Variants in ZSWIM5 observed in about 807,000 individuals in gnomAD.
The protein encoded by ZSWIM5 is zinc finger SWIM domain-containing protein 5.
In ZSWIM5, 55 loss-of-function variants were observed where a neutral mutation model predicts 119.6. The observed-to-expected ratio is 0.46, with a 90% confidence interval of 0.37 to 0.58. The LOEUF (loss-of-function observed/expected upper bound fraction) is 0.58. ZSWIM5 is among the 20% of genes least tolerant of loss of function. ZSWIM5 has a pLI of 0.00. For missense variants in ZSWIM5, 1,193 were observed against 1,512.8 expected (o/e 0.79, Z 3.51); for synonymous variants, 537 against 606.9 (o/e 0.88, Z 1.69).
chr1:45,132,712 A>G (rs995286577), intron 1 of ZSWIM5, among the ~76,000 whole-genome samples: 1 of 152,044 alleles, frequency 6.6e-6, no homozygotes, highest in African/African-American at 2.4e-5. Flanking sequence ...TGCTGCACCC[A>G]TTAACTCGTC....
At chr1:45,185,807 T>C (rs1038961612) in intron 1 of ZSWIM5, among the ~76,000 whole-genome samples, 2 of 152,230 alleles carry the variant, frequency 1.3e-5, no homozygotes, top group Non-Finnish European at 2.9e-5. Context: ...TTGGTGGGAC[T>C]GTAAACTAGT....
intron 1 of ZSWIM5, among the ~76,000 whole-genome samples, chr1:45,095,706 G>C (rs1645397442): frequency 6.6e-6 from 1 of 152,160 alleles, no homozygotes; most frequent in Admixed American, 6.5e-5. Context: ...TGACCAGTGG[G>C]TTTTGGTGTT....
intron 1 of ZSWIM5, among the ~76,000 whole-genome samples, chr1:45,092,439 G>C (rs1645372390): frequency 6.6e-6 from 1 of 151,652 alleles, no homozygotes; most frequent in Admixed American, 6.6e-5. Context: ...TGGGATTACA[G>C]GTGCCTGCCA....
intron 1 of ZSWIM5, among the ~76,000 whole-genome samples, chr1:45,131,504 A>G (rs1439400669): frequency 2.0e-5 from 3 of 152,054 alleles, no homozygotes; most frequent in Non-Finnish European, 4.4e-5. Flanking sequence ...TGGGTGGACC[A>G]CTTAAGCTCC....
chr1:45,132,949 T>A (rs1019775371), intron 1 of ZSWIM5, among the ~76,000 whole-genome samples: 4 of 152,194 alleles, frequency 2.6e-5, no homozygotes, highest in African/African-American at 9.7e-5. Flanking sequence ...GAACTCATCC[T>A]TTTTTATGGC....
At chr1:45,141,377 T>C (rs1472384034) in intron 1 of ZSWIM5, among the ~76,000 whole-genome samples, 2 of 152,182 alleles carry the variant, frequency 1.3e-5, no homozygotes, top group African/African-American at 4.8e-5. Flanking sequence ...CAGAAAGTAC[T>C]AGGGAGATCA....
intron 5 of ZSWIM5, 72 bp downstream of exon 5, chr1:45,051,002 A>G: frequency 7.0e-7 from 1 of 1,430,098 alleles, no homozygotes. Flanking sequence ...TCCAGCTACC[A>G]TTGTTCTAGG....
At chr1:45,139,257 T>C (rs1645709653) in intron 1 of ZSWIM5, among the ~76,000 whole-genome samples, 1 of 152,044 alleles carries the variant, frequency 6.6e-6, no homozygotes, top group Non-Finnish European at 1.5e-5. Flanking sequence ...TCACAGTACA[T>C]AGCAGCCTTG....
chr1:45,098,779 A>C (rs1645419680), intron 1 of ZSWIM5, among the ~76,000 whole-genome samples: 1 of 152,210 alleles, frequency 6.6e-6, no homozygotes, highest in Non-Finnish European at 1.5e-5. Context: ...GAAACTGAAC[A>C]ACCTGCTCCT....
intron 1 of ZSWIM5, among the ~76,000 whole-genome samples, chr1:45,136,064 T>C (rs1645687389): frequency 6.6e-6 from 1 of 152,152 alleles, no homozygotes; most frequent in Non-Finnish European, 1.5e-5. Context: ...TTTCGCCATG[T>C]TGCCCAGGCT....
intron 1 of ZSWIM5, among the ~76,000 whole-genome samples, chr1:45,184,751 G>A (rs1646046582): frequency 1.3e-5 from 2 of 151,956 alleles, no homozygotes; most frequent in South Asian, 4.1e-4. Flanking sequence ...AATAAAAGAG[G>A]ATACAAACAA....
intron 2 of ZSWIM5, chr1:45,069,949 T>G (rs1645211595): frequency 1.5e-6 from 1 of 645,604 alleles, no homozygotes; most frequent in Admixed American, 2.3e-5. Flanking sequence ...GCAAATCCAG[T>G]ATCCACTGAT....
intron 1 of ZSWIM5, among the ~76,000 whole-genome samples, chr1:45,122,579 G>T (rs146625188): frequency 2.6e-5 from 4 of 152,322 alleles, no homozygotes; most frequent in African/African-American, 9.6e-5. Context: ...AGGACCCAAG[G>T]AATGACACAG....
intron 2 of ZSWIM5, among the ~76,000 whole-genome samples, chr1:45,081,431 C>T (rs1645289695): frequency 6.6e-6 from 1 of 152,238 alleles, no homozygotes; most frequent in African/African-American, 2.4e-5. Flanking sequence ...CTGCCTCAGC[C>T]TGCGGAGTGC....
chr1:45,140,705 A>C (rs1343632190), intron 1 of ZSWIM5, among the ~76,000 whole-genome samples: 2 of 152,220 alleles, frequency 1.3e-5, no homozygotes, highest in Non-Finnish European at 2.9e-5. Context: ...TAAAGACATA[A>C]ATAGGTTAAA....
chr1:45,099,625 T>C (rs1645425761), intron 1 of ZSWIM5, among the ~76,000 whole-genome samples: 1 of 152,208 alleles, frequency 6.6e-6, no homozygotes, highest in African/African-American at 2.4e-5. Flanking sequence ...ATATCCCTGA[T>C]GATCATCAAT....
rs537180117 is a variant in ZSWIM5, at chr1:45,165,927, A to G, written c.595+39829T>C. On this transcript the variant is annotated intron_variant, in intron 1 of 13. Coordinates refer to ENST00000359600, the MANE Select transcript of ZSWIM5 (RefSeq NM_020883.2). ...GTACCATTCCTTCTGAAACTATTCCAATCAATAGAAAAAGAGGGAATCCTC... is the reference window on the plus strand; with the variant it reads ...GTACCATTCCTTCTGAAACTATTCCGATCAATAGAAAAAGAGGGAATCCTC... Among the ~76,000 whole-genome samples, 754 of 152,244 alleles carry G rather than the reference A, an allele frequency of 5.0e-3. 10 individuals are homozygous for G. Among genetic ancestry groups the G allele is most frequent in the Middle Eastern group, 0.014 (4 of 292 alleles).
At chr1:45,180,081 A>T (rs1053862670) in intron 1 of ZSWIM5, among the ~76,000 whole-genome samples, 12 of 152,178 alleles carry the variant, frequency 7.9e-5, no homozygotes, top group Admixed American at 5.2e-4. Context: ...GATAGTGGGC[A>T]CAGGACAGTG....
At chr1:45,125,744 C>A (rs1320001476) in intron 1 of ZSWIM5, among the ~76,000 whole-genome samples, 2 of 132,144 alleles carry the variant, frequency 1.5e-5, no homozygotes, top group Non-Finnish European at 1.6e-5. Flanking sequence ...GCCTGGCTAA[C>A]AAAAGCAAAA....
Sources: gnomAD v4.1 joint callset for allele counts (sites outside exome capture counted in the v4.1 genomes callset) on GRCh38, gnomAD v4.1.1 for gene constraint, MANE v1.5 for transcripts, NCBI Gene and HGNC (gene_info 2026-07-23, HGNC 2026-07-21) for gene names.